CEP72: variants seen among roughly 807,000 people sequenced by gnomAD.
CEP72 encodes centrosomal protein 72.
A neutral mutation model predicts 65.7 loss-of-function variants in CEP72; 78 were observed. That is an observed-to-expected ratio of 1.19 (90% confidence interval 0.99 to 1.43). The LOEUF is 1.43. Ranked by LOEUF, CEP72 falls within the 40% of genes most tolerant of loss-of-function variation. The probability of loss-of-function intolerance (pLI) is 0.00; values close to 1 mark genes in which losing one functional copy is unlikely to be tolerated. For missense variants in CEP72, 914 were observed against 832.9 expected (o/e 1.10, Z -1.20); for synonymous variants, 358 against 351.7 (o/e 1.02, Z -0.20).
chr5:674,990 C>T, the CEP72 span, among the ~76,000 whole-genome samples: 118 of 111,842 alleles, frequency 1.1e-3, 1 homozygote, highest in Admixed American at 2.3e-3. Context: ...GATCTGTGGC[C>T]GGGGGAGCAG....
At position 637,380 on chromosome 5, in the gene CEP72, G is replaced by A. The variant is rs4957078; in HGVS notation, c.905-137G>A. 4.8e-3 allele frequency: 3,408 copies of A among 715,224 alleles called. 92 individuals carry two copies. The Admixed American group carries it at 0.057, about 12-fold the overall frequency. 44.3% of individuals were successfully genotyped at this position (715,224 alleles called of 1,614,324 possible). ...TATGTATGCACGTGGATAGGTGTGC[G>A]TGTACATATGTAAGTGTGCGTGTGT... is the stretch of plus-strand genomic sequence containing the variant. On this transcript the variant is annotated intron_variant, in intron 6 of 11. Transcript: ENST00000264935.
chr5:653,422 G>A lies in CEP72; in HGVS notation c.*269G>A. The A allele has an allele frequency of 3.1e-6, 1 of 317,792 alleles. No homozygotes were observed. 19.7% of individuals were successfully genotyped at this position (317,792 alleles called of 1,614,324 possible). On this transcript the variant is annotated 3_prime_UTR_variant, in exon 12 of 12. Transcript: ENST00000264935. ...AAACTGACTATTAATCTTGTATCCA[G>A]TATCCTGAGATGAAGTAAATGCAGT...
chr5:655,697 T>C (rs1739359813), downstream of CEP72: 1 of 152,238 alleles, frequency 6.6e-6, no homozygotes, highest in South Asian at 2.1e-4. The surrounding 1 kb of genome is among the most constrained non-coding windows in gnomAD (Gnocchi z 5.0). Flanking sequence ...GGCTTCTCCT[T>C]GTTCAGCACC....
At chr5:618,885 G>T (rs934589120) in intron 1 of CEP72, 105 bp from the exon 2 acceptor site, 25 of 875,238 alleles carry the variant, frequency 2.9e-5, no homozygotes, top group Non-Finnish European at 4.0e-5. Flanking sequence ...ATTAAACCAA[G>T]AATCTGTGTC....
chr5:668,988 C>G (rs1209722264), downstream of CEP72, among the ~76,000 whole-genome samples: 1 of 152,232 alleles, frequency 6.6e-6, no homozygotes, highest in South Asian at 2.1e-4. Context: ...TTCCCATACA[C>G]TTTACACGCG....
chr5:637,206 T>C (rs1737667172), intron 6 of CEP72, among the ~76,000 whole-genome samples: 1 of 152,218 alleles, frequency 6.6e-6, no homozygotes, highest in Non-Finnish European at 1.5e-5. Context: ...ACGTCGGTCA[T>C]CACGGGGTGA....
intron 9 of CEP72, chr5:642,742 G>A (rs1251374692): frequency 2.0e-6 from 2 of 985,256 alleles, no homozygotes; most frequent in Non-Finnish European, 2.4e-6. Context: ...GAGCCCCGCG[G>A]GTAAGGAGCA....
chr5:639,540 G>A (rs1737861082), intron 8 of CEP72, among the ~76,000 whole-genome samples: 1 of 152,214 alleles, frequency 6.6e-6, no homozygotes, highest in Non-Finnish European at 1.5e-5. Context: ...TGATCACATG[G>A]GGATTTGGAG....
In CEP72 at chr5:647,621, C is replaced by T. The variant is rs374453074; in HGVS notation, c.1667-184C>T. On this transcript the variant is annotated intron_variant, in intron 10 of 11. Coordinates refer to ENST00000264935, the MANE Select transcript of CEP72 (RefSeq NM_018140.4). ...TGGGGAGGGCCCAGGGTAGAAACAG[C>T]ACAGGGAGGGGCCGTGGCATTCATG... Among the ~76,000 whole-genome samples the T allele has an allele frequency of 7.9e-5, 12 of 152,354 alleles. No individual in the cohort carries two copies. In the South Asian group the frequency reaches 2.3e-3, roughly 29 times the overall value.
chr5:612,348 G>T lies in CEP72; in HGVS notation c.-14G>T. ...CCCGCCGCGCAGGCGCCGTCCGAGG[G>T]CTCCGTTTGAAACATGGCGCGGGCT... On this transcript the variant is annotated 5_prime_UTR_variant, in exon 1 of 12. Transcript: ENST00000264935. 6.7e-7 allele frequency: 1 copy of T among 1,485,924 alleles called. No individual in the cohort carries two copies. Among genetic ancestry groups the T allele is most frequent in the Non-Finnish European group, 8.9e-7 (1 of 1,123,420 alleles). 92.0% of individuals were successfully genotyped at this position (1,485,924 alleles called of 1,614,324 possible). A position where few individuals can be genotyped will look rare whatever the true frequency, so the allele number is the denominator to read the frequency against.
intron 1 of CEP72, among the ~76,000 whole-genome samples, chr5:617,222 C>A (rs1178393078): frequency 1.3e-5 from 2 of 152,102 alleles, no homozygotes; most frequent in African/African-American, 4.8e-5. Context: ...GTGCCGAGGC[C>A]CCTGGCTGGT....
intron 1 of CEP72, among the ~76,000 whole-genome samples, chr5:617,269 C>T (rs1444363576): frequency 2.0e-5 from 3 of 152,152 alleles, no homozygotes; most frequent in Admixed American, 6.5e-5. Context: ...ATGCTTGTTC[C>T]GTATATTTTC....
chr5:651,127 TG>T (rs143143410), intron 11 of CEP72, among the ~76,000 whole-genome samples: 2 of 49,576 alleles, frequency 4.0e-5, no homozygotes, highest in Non-Finnish European at 6.7e-5. Context: ...CTGTGAGGCG[TG>T]GACTGTGAGG....
At chr5:628,436 C>T (rs1215046349) in intron 4 of CEP72, among the ~76,000 whole-genome samples, 1 of 149,630 alleles carries the variant, frequency 6.7e-6, no homozygotes, top group African/African-American at 2.5e-5. Context: ...GGGATTGGCC[C>T]CAGGACCCAG....
In CEP72 at chr5:628,649, C is replaced by G. The variant is rs4956955; in HGVS notation, c.512+4070C>G. Among the ~76,000 whole-genome samples the G allele has an allele frequency of 8.5e-3, 737 of 86,222 alleles. 27 individuals carry two copies. Among genetic ancestry groups the G allele is most frequent in the African/African-American group, 0.034 (501 of 14,638 alleles). 56.6% of individuals were successfully genotyped at this position (86,222 alleles called of 152,430 possible). On this transcript the variant is annotated intron_variant, in intron 4 of 11. Transcript: ENST00000264935. ...CCGGGGAGTGGCCCCAGGACCCAGC[C>G]CCCTTCTTTGTGCAGCTTCTGGAGA...
At chr5:618,878 A>G in intron 1 of CEP72, 112 bp from the exon 2 acceptor site, 1 of 847,600 alleles carries the variant, frequency 1.2e-6, no homozygotes, top group African/African-American at 1.7e-5. Flanking sequence ...AAGTTGAATT[A>G]AACCAAGAAT....
intron 1 of CEP72, 139 bp downstream of exon 1, chr5:612,582 A>T: frequency 8.1e-7 from 1 of 1,228,012 alleles, no homozygotes; most frequent in Non-Finnish European, 1.0e-6. Flanking sequence ...GTCGCGGGCG[A>T]GCGGGGCGCG....
chr5:622,349 T>C lies in CEP72; in HGVS notation c.403+2088T>C, dbSNP rs1018692167. Among the ~76,000 whole-genome samples the C allele has an allele frequency of 1.5e-4, 23 of 152,264 alleles. 1 individual carries two copies. The highest frequency in any genetic ancestry group is 2.9e-5 in the Non-Finnish European group (2 of 68,050). ...CAGTATCCCTGGGTCCTGGTGGACT[T>C]TGCTCTTGCAGGAGCTCAGCTCCCC... On this transcript the variant is annotated intron_variant, in intron 3 of 11. Transcript: ENST00000264935.
At chr5:672,201 C>T in the CEP72 span, among the ~76,000 whole-genome samples, 1 of 152,154 alleles carries the variant, frequency 6.6e-6, no homozygotes, top group Non-Finnish European at 1.5e-5. Context: ...GACCCCAGTG[C>T]CGGCTGGCCG....
Sources: allele counts gnomAD v4.1 joint callset (sites outside exome capture counted in the v4.1 genomes callset), GRCh38; gene constraint gnomAD v4.1.1; non-coding constraint Gnocchi (gnomAD v3.1); transcripts MANE v1.5; gene names NCBI Gene and HGNC (gene_info 2026-07-23, HGNC 2026-07-21).